The following RGS6 variants were observed in gnomAD, a reference collection of about 807,000 sequenced individuals.
RGS6 encodes the protein regulator of G-protein signaling 6.
In RGS6, 30 loss-of-function variants were observed where a neutral mutation model predicts 78.5. The observed-to-expected ratio is 0.38, with a 90% CI of 0.29 to 0.52. The LOEUF (loss-of-function observed/expected upper bound fraction) is 0.52, where lower values mean the gene tolerates loss of function less well. RGS6 is among the 20% of genes least tolerant of loss of function. The pLI is 0.85. For synonymous variants in RGS6, 206 were observed against 206.0 expected (o/e 1.00, Z 0.00); for missense variants, 495 against 609.7 (o/e 0.81, Z 1.98).
chr14:72,055,342 A>G (rs897179672), intron 2 of RGS6, among the ~76,000 whole-genome samples: 5 of 152,150 alleles, frequency 3.3e-5, no homozygotes, highest in African/African-American at 1.2e-4. Context: ...GTGTTTATAA[A>G]TCTACTGATA....
intron 2 of RGS6, among the ~76,000 whole-genome samples, chr14:72,131,491 A>G (rs567190263): frequency 1.1e-4 from 16 of 152,314 alleles, no homozygotes; most frequent in South Asian, 8.3e-4. Context: ...GAAATTCTGT[A>G]TGTCCCTTTG....
chr14:72,550,483 A>ATGTT, intron 17 of RGS6: 6 of 1,535,722 alleles, frequency 3.9e-6, no homozygotes, highest in Middle Eastern at 3.3e-4. Context: ...GCAAGGACCG[A>ATGTT]AAGCCTGGCC....
the RGS6 span, among the ~76,000 whole-genome samples, chr14:71,880,294 A>G: frequency 6.6e-6 from 1 of 152,232 alleles, no homozygotes; most frequent in Non-Finnish European, 1.5e-5. Flanking sequence ...TGCTGTAGAA[A>G]AGAAAATCCC....
chr14:72,211,482 A>C (rs2044135914), intron 2 of RGS6, among the ~76,000 whole-genome samples: 1 of 152,214 alleles, frequency 6.6e-6, no homozygotes, highest in Non-Finnish European at 1.5e-5. Context: ...CTGTAAAGAC[A>C]GTAGTAATAG....
At chr14:72,618,231 G>T in the RGS6 span, among the ~76,000 whole-genome samples, 1 of 152,162 alleles carries the variant, frequency 6.6e-6, no homozygotes, top group Non-Finnish European at 1.5e-5. Flanking sequence ...TCCCAGTCAG[G>T]TCTCAGTAGA....
At chr14:72,261,147 A>G (rs780258970) in intron 2 of RGS6, among the ~76,000 whole-genome samples, 8 of 152,170 alleles carry the variant, frequency 5.3e-5, no homozygotes, top group East Asian at 1.9e-4. Flanking sequence ...AGAACCTACA[A>G]ATGCACCCTG....
At chr14:72,386,409 A>G (rs2088039706) in intron 3 of RGS6, among the ~76,000 whole-genome samples, 1 of 152,050 alleles carries the variant, frequency 6.6e-6, no homozygotes, top group Non-Finnish European at 1.5e-5. Flanking sequence ...ATGGTTTTGC[A>G]TGCTTGTAGT....
intron 2 of RGS6, among the ~76,000 whole-genome samples, chr14:72,125,553 G>C (rs1171416733): frequency 2.0e-5 from 3 of 152,114 alleles, no homozygotes; most frequent in Non-Finnish European, 4.4e-5. Flanking sequence ...CAAGCAAGGA[G>C]ACAGGAGAAT....
intron 2 of RGS6, among the ~76,000 whole-genome samples, chr14:72,176,300 A>T (rs1752252399): frequency 6.6e-6 from 1 of 152,144 alleles, no homozygotes; most frequent in Admixed American, 6.5e-5. Context: ...ATTGGGGGAG[A>T]TGACATGGGG....
chr14:72,004,104 G>C (rs2084045914), intron 2 of RGS6, among the ~76,000 whole-genome samples: 1 of 152,176 alleles, frequency 6.6e-6, no homozygotes, highest in African/African-American at 2.4e-5. Context: ...CAGGAGGTTT[G>C]AATGGGCAAC....
intron 2 of RGS6, among the ~76,000 whole-genome samples, chr14:72,192,990 T>TC (rs1242622578): frequency 6.6e-6 from 1 of 151,826 alleles, no homozygotes; most frequent in Non-Finnish European, 1.5e-5. Context: ...GTTTTTTTTT[T>TC]TTTTTCTTTC....
chr14:72,271,129 T>C (rs2059868072), intron 2 of RGS6, among the ~76,000 whole-genome samples: 2 of 152,154 alleles, frequency 1.3e-5, no homozygotes, highest in Non-Finnish European at 2.9e-5. Context: ...CTCATTAATA[T>C]TGTTCCTCTC....
chr14:71,900,581 CTT>C, the RGS6 span, among the ~76,000 whole-genome samples: 1 of 152,128 alleles, frequency 6.6e-6, no homozygotes, highest in African/African-American at 2.4e-5. Flanking sequence ...TATGACTACT[CTT>C]GGTGTATTTG....
chr14:72,432,608 A>G (rs1036913388), intron 3 of RGS6, among the ~76,000 whole-genome samples: 1 of 152,202 alleles, frequency 6.6e-6, no homozygotes, highest in African/African-American at 2.4e-5. Context: ...CTCATAATGC[A>G]TTCCTGAGGA....
At chr14:72,454,601 C>T (rs753862385) in intron 4 of RGS6, 23 bp downstream of exon 4, 2 of 1,606,728 alleles carry the variant, frequency 1.2e-6, no homozygotes, top group Non-Finnish European at 1.7e-6. Context: ...TGACCCCACC[C>T]TTATCTCCCC....
chr14:72,385,606 A>G (rs1047298277), intron 3 of RGS6, among the ~76,000 whole-genome samples: 1 of 152,164 alleles, frequency 6.6e-6, no homozygotes, highest in East Asian at 1.9e-4. Context: ...CCTTTTGATG[A>G]CAGTGAGGGT....
At chr14:72,222,307 C>A (rs79071794) in intron 2 of RGS6, among the ~76,000 whole-genome samples, 13,046 of 152,260 alleles carry the variant, frequency 0.086, 637 homozygotes, top group East Asian at 0.17. Context: ...AAATGGCATC[C>A]TGCCCACTCA....
intron 3 of RGS6, among the ~76,000 whole-genome samples, chr14:72,399,491 C>T (rs1356307326): frequency 6.6e-6 from 1 of 152,064 alleles, no homozygotes; most frequent in East Asian, 1.9e-4. Context: ...TCCAATTTGC[C>T]AGTCTGTGTC....
chr14:72,346,824 G>A (rs1485253669), intron 2 of RGS6, among the ~76,000 whole-genome samples: 1 of 152,190 alleles, frequency 6.6e-6, no homozygotes, highest in East Asian at 1.9e-4. Flanking sequence ...TGTAAAGAGA[G>A]GATTGCTTCT....
Sources: allele counts gnomAD v4.1 joint callset (sites outside exome capture counted in the v4.1 genomes callset), GRCh38; gene constraint gnomAD v4.1.1; transcripts MANE v1.5; gene names NCBI Gene and HGNC (gene_info 2026-07-23, HGNC 2026-07-21).